The following STIM1 variants were observed in gnomAD, a reference collection of about 807,000 sequenced individuals.
The protein encoded by STIM1 is stromal interaction molecule 1.
In STIM1, 25 loss-of-function variants were observed where a neutral mutation model predicts 74.7. The ratio of observed to expected loss-of-function variants is 0.33; its 90% CI spans 0.24 to 0.47. STIM1 has a LOEUF of 0.47. Among genes scored for constraint, STIM1 ranks in the 20% least tolerant of loss-of-function variants. The pLI is 1.00. For missense variants in STIM1, 728 were observed against 920.8 expected (o/e 0.79, Z 2.71); for synonymous variants, 328 against 348.8 (o/e 0.94, Z 0.66).
intron 3 of STIM1, among the ~76,000 whole-genome samples, chr11:4,051,644 A>T (rs912678439): frequency 6.6e-6 from 1 of 151,898 alleles, no homozygotes; most frequent in African/African-American, 2.4e-5. Context: ...CCTGGCCATA[A>T]ATTATCTTTT....
At chr11:3,879,432 T>G (rs371751488) in intron 1 of STIM1, among the ~76,000 whole-genome samples, 2 of 152,260 alleles carry the variant, frequency 1.3e-5, no homozygotes, top group African/African-American at 4.8e-5. Context: ...ATCTACTGTT[T>G]CACTTTCTGT....
intron 2 of STIM1, among the ~76,000 whole-genome samples, chr11:4,010,331 T>C (rs912651255): frequency 6.6e-6 from 1 of 151,998 alleles, no homozygotes; most frequent in African/African-American, 2.4e-5. Flanking sequence ...CCATCCTGCC[T>C]AGCTGATTTT....
chr11:4,018,115 G>A (rs1380243043), intron 2 of STIM1, among the ~76,000 whole-genome samples: 4 of 152,020 alleles, frequency 2.6e-5, no homozygotes, highest in African/African-American at 9.7e-5. Flanking sequence ...TGGAGTTCAA[G>A]ACCAGCCTGA....
intron 2 of STIM1, among the ~76,000 whole-genome samples, chr11:4,015,262 A>G (rs1373594489): frequency 1.3e-5 from 2 of 151,250 alleles, no homozygotes; most frequent in Admixed American, 6.6e-5. Context: ...AAAATTTCTC[A>G]GCATTTGCTT....
intron 3 of STIM1, among the ~76,000 whole-genome samples, chr11:4,043,305 A>T (rs1306008436): frequency 6.6e-6 from 1 of 152,206 alleles, no homozygotes; most frequent in Non-Finnish European, 1.5e-5. Context: ...TCTATAAAAC[A>T]TAGTATGGAG....
chr11:4,086,819 C>G (rs1238130369), intron 12 of STIM1: 1 of 1,536,332 alleles, frequency 6.5e-7, no homozygotes, highest in East Asian at 2.4e-5. Context: ...ACACCCCCTT[C>G]TGACAGCACC....
chr11:3,866,405 G>A (rs977066968), intron 1 of STIM1, among the ~76,000 whole-genome samples: 14 of 150,568 alleles, frequency 9.3e-5, no homozygotes, highest in South Asian at 2.1e-4. Context: ...CCCTGCTTAC[G>A]CCACAAGAGG....
At chr11:4,061,194 T>C (rs2094328199) in intron 5 of STIM1, among the ~76,000 whole-genome samples, 1 of 152,180 alleles carries the variant, frequency 6.6e-6, no homozygotes, top group Non-Finnish European at 1.5e-5. Context: ...AAGGATTTTA[T>C]CTGAAAAAAT....
chr11:3,978,834 A>G (rs909967611), intron 2 of STIM1, among the ~76,000 whole-genome samples: 2 of 152,036 alleles, frequency 1.3e-5, no homozygotes, highest in African/African-American at 4.8e-5. Context: ...ATCCAGAGTA[A>G]TGCTAGGTCC....
At chr11:3,868,311 C>G (rs2090946485) in intron 1 of STIM1, 1 of 152,202 alleles carries the variant, frequency 6.6e-6, no homozygotes, top group African/African-American at 2.4e-5. Context: ...TTATTGAGCA[C>G]CTTTGTAGGT....
intron 3 of STIM1, among the ~76,000 whole-genome samples, chr11:4,042,075 G>A (rs2094152359): frequency 6.6e-6 from 1 of 152,182 alleles, no homozygotes. Flanking sequence ...AGGCACCACA[G>A]GTCCATTATG....
chr11:4,088,357 T>G (rs773918394), intron 12 of STIM1, among the ~76,000 whole-genome samples: 2 of 152,172 alleles, frequency 1.3e-5, no homozygotes, highest in Non-Finnish European at 2.9e-5. Flanking sequence ...TAGTTCTATC[T>G]CACTCTGGAT....
At chr11:4,020,621 C>T (rs964572141) in intron 2 of STIM1, among the ~76,000 whole-genome samples, 1 of 151,870 alleles carries the variant, frequency 6.6e-6, no homozygotes, top group Non-Finnish European at 1.5e-5. Flanking sequence ...CAAGGTCTCG[C>T]TCTGTCACCC....
chr11:4,004,841 A>G (rs2093760675), intron 2 of STIM1, among the ~76,000 whole-genome samples: 1 of 152,272 alleles, frequency 6.6e-6, no homozygotes, highest in African/African-American at 2.4e-5. Flanking sequence ...TACTCATCTG[A>G]CAAAGGGCTA....
intron 1 of STIM1, among the ~76,000 whole-genome samples, chr11:3,946,909 G>C (rs2093082417): frequency 6.6e-6 from 1 of 152,180 alleles, no homozygotes; most frequent in Admixed American, 6.5e-5. Context: ...GTCTCAGGCT[G>C]TCATCATTAA....
At chr11:3,982,419 A>T (rs1159692294) in intron 2 of STIM1, among the ~76,000 whole-genome samples, 1 of 152,220 alleles carries the variant, frequency 6.6e-6, no homozygotes, top group Non-Finnish European at 1.5e-5. Context: ...GGCAAAGATG[A>T]AATGAAATCA....
chr11:3,881,133 A>G (rs2091483932), intron 1 of STIM1, among the ~76,000 whole-genome samples: 1 of 151,748 alleles, frequency 6.6e-6, no homozygotes, highest in Non-Finnish European at 1.5e-5. Context: ...CATAAAATTA[A>G]TCATTTTAAA....
chr11:3,998,186 A>G (rs1381496810), intron 2 of STIM1, among the ~76,000 whole-genome samples: 3 of 152,340 alleles, frequency 2.0e-5, no homozygotes, highest in East Asian at 1.9e-4. Flanking sequence ...GCTTCCCTCA[A>G]CATGAGGGTT....
chr11:3,885,389 G>A (rs2091668447), intron 1 of STIM1, among the ~76,000 whole-genome samples: 2 of 152,016 alleles, frequency 1.3e-5, no homozygotes. Context: ...GTTTTGCCAT[G>A]TTGCCTAGGC....
Sources: gnomAD v4.1 joint callset for allele counts (sites outside exome capture counted in the v4.1 genomes callset) on GRCh38, gnomAD v4.1.1 for gene constraint, MANE v1.5 for transcripts, NCBI Gene and HGNC (gene_info 2026-07-23, HGNC 2026-07-21) for gene names.